GZF1: variants seen among roughly 807,000 people sequenced by gnomAD.
The protein encoded by GZF1 is GDNF inducible zinc finger protein 1, also known as GDNF-inducible zinc finger protein 1.
Under a neutral mutation model 49.4 loss-of-function variants are expected in GZF1, and 28 were observed. The ratio of observed to expected loss-of-function variants is 0.57; its 90% CI spans 0.42 to 0.78. The LOEUF is 0.78. Ranked by LOEUF, GZF1 falls within the 30% of genes least tolerant of loss-of-function variation. The probability of loss-of-function intolerance (pLI) is 0.00; values close to 1 mark genes in which losing one functional copy is unlikely to be tolerated. For missense variants in GZF1, 798 were observed against 916.2 expected (o/e 0.87, Z 1.67); for synonymous variants, 364 against 356.0 (o/e 1.02, Z -0.25).
Position 23,372,929 on chromosome 20 carries a change from T to C in GZF1, c.*2488T>C, listed in dbSNP as rs1000080822. The C allele has an allele frequency of 1.3e-5, 2 of 152,234 alleles. No homozygotes were observed. The highest frequency in any genetic ancestry group is 2.9e-5 in the Non-Finnish European group (2 of 68,036). 9.4% of individuals were successfully genotyped at this position (152,234 alleles called of 1,614,324 possible). A position where few individuals can be genotyped will look rare whatever the true frequency, so the allele number is the denominator to read the frequency against. ...AAAAATGGGCCATGTGGTGGAGACC[T>C]TTATTTAAGGTGATTTTTACAGAAA... On this transcript the variant is annotated 3_prime_UTR_variant, in exon 6 of 6. Transcript: ENST00000338121.
At chr20:23,365,887 C>G in intron 2 of GZF1, 140 bp downstream of exon 2, 1 of 1,345,820 alleles carries the variant, frequency 7.4e-7, no homozygotes, top group Non-Finnish European at 9.7e-7. Context: ...GCGTTTAGTT[C>G]TCTGTCAAGG....
At position 23,369,655 on chromosome 20, in the gene GZF1, C is replaced by G; in HGVS notation, c.1699C>G (p.Arg567Gly). 1 of 1,613,008 alleles carries G rather than the reference C, an allele frequency of 6.2e-7. No homozygotes were observed. Among genetic ancestry groups the G allele is most frequent in the Non-Finnish European group, 8.5e-7 (1 of 1,179,650 alleles). ...GCTCAACGCCCTCCAGCGCCACCGC[C>G]GCATCCACACAGGGGAGAGGCCATT... ...TQLNALQRHR[R>G]IHTGERPFMC... is the part of the protein sequence containing the mutation. The change falls in exon 5 of 6, where the codon CGC becomes GGC. Residue 567 changes from arginine (R) to glycine (G), a missense_variant. By Grantham distance (125) the Arg-to-Gly change is moderately radical. Transcript: ENST00000338121.
chr20:23,365,679 C>A lies in GZF1; in HGVS notation c.1296C>A (p.Asp432Glu), dbSNP rs112578924. 6.3e-7 allele frequency: 1 copy of A among 1,594,376 alleles called. No homozygotes were observed. Among genetic ancestry groups the A allele is most frequent in the Admixed American group, 1.7e-5 (1 of 59,398 alleles). Residue 432 changes from aspartate to glutamate, a missense_variant, in exon 2 of 6, where the codon GAC becomes GAA. Asp to Glu is a conservative substitution (Grantham distance 45). This residue lies in a region of GZF1 where 446 missense variants were observed against 540.1 expected (regional missense o/e 0.83). Transcript: ENST00000338121. ...TGCACGAGCGCACACACACGGGAGA[C>A]CGGCCCTACGGCTGCACCGAGTGCG... ...LRLHERTHTG[D>E]RPYGCTECGA...
chr20:23,367,900 G>A (rs144150996), intron 3 of GZF1, among the ~76,000 whole-genome samples: 6 of 152,256 alleles, frequency 3.9e-5, no homozygotes, highest in Non-Finnish European at 5.9e-5. Context: ...ATTCTTACCT[G>A]TAAACACTGG....
In GZF1 at chr20:23,364,453, C is replaced by T. The variant is rs1255416669; in HGVS notation, c.70C>T (p.Leu24Phe). The change falls in exon 2 of 6, where the codon CTT (leucine) becomes TTT (phenylalanine). Residue 24 changes from leucine to phenylalanine, a missense_variant. Around this residue, in one of 3 missense-constraint regions of GZF1, gnomAD observed 105 missense variants for 147.5 expected, o/e 0.71. Coordinates refer to ENST00000338121, the MANE Select transcript of GZF1 (RefSeq NM_022482.5). ...TAACCTACTGCATGAGATGCATGAG[C>T]TTCGCCTCCTGGGTCACCTGTGTGA... is the stretch of plus-strand genomic sequence containing the variant. ...PFNLLHEMHE[L>F]RLLGHLCDVT... 1.9e-6 allele frequency: 3 copies of T among 1,614,050 alleles called. No individual in the cohort carries two copies. The highest frequency in any genetic ancestry group is 2.5e-6 in the Non-Finnish European group (3 of 1,179,914).
chr20:23,365,588 G>T lies in GZF1; in HGVS notation c.1205G>T (p.Gly402Val). The change falls in exon 2 of 6, where the codon GGC becomes GTC. Residue 402 changes from glycine to valine, a missense_variant. Gly to Val is a moderately radical substitution (Grantham distance 109). Transcript: ENST00000338121. ...VKRHVLQVHE[G>V]GGERHRCGQC... ...CGGCACGTGCTGCAGGTGCATGAGGGCGGCGGCGAGCGGCACCGCTGCGGC... is the reference window on the plus strand; with the variant it reads ...CGGCACGTGCTGCAGGTGCATGAGGTCGGCGGCGAGCGGCACCGCTGCGGC... The T allele has an allele frequency of 6.2e-7, 1 of 1,609,222 alleles. No homozygotes were observed. Among genetic ancestry groups the T allele is most frequent in the Non-Finnish European group, 8.5e-7 (1 of 1,179,496 alleles).
chr20:23,361,760 G>A (rs1980681312), upstream of GZF1, among the ~76,000 whole-genome samples: 1 of 152,216 alleles, frequency 6.6e-6, no homozygotes, highest in African/African-American at 2.4e-5. Context: ...GCAGCTCTTA[G>A]TGGGAAGCCA....
chr20:23,366,426 A>C (rs1358259779), intron 2 of GZF1, among the ~76,000 whole-genome samples: 1 of 152,142 alleles, frequency 6.6e-6, no homozygotes, highest in East Asian at 1.9e-4. Flanking sequence ...CTATATAATA[A>C]GTTAAAAATA....
chr20:23,366,261 G>A (rs572339733), intron 2 of GZF1, among the ~76,000 whole-genome samples: 1 of 152,336 alleles, frequency 6.6e-6, no homozygotes, highest in East Asian at 1.9e-4. Context: ...TTTCTGAGCT[G>A]CAGGTGTGTG....
intron 2 of GZF1, among the ~76,000 whole-genome samples, chr20:23,366,340 GT>G (rs925876042): frequency 1.3e-5 from 2 of 152,190 alleles, no homozygotes; most frequent in African/African-American, 2.4e-5. Flanking sequence ...ACAAGCAGTT[GT>G]TTTCTCTTCT....
At position 23,364,504 on chromosome 20, in the gene GZF1, G is replaced by C; in HGVS notation, c.121G>C (p.Gly41Arg). 1.9e-6 allele frequency: 3 copies of C among 1,614,232 alleles called. No individual in the cohort carries two copies. The highest frequency in any genetic ancestry group is 2.5e-6 in the Non-Finnish European group (3 of 1,180,044). ...CDVTVSVEYQ[G>R]VRKDFMAHKA... ...CGTGACAGTCAGCGTGGAGTATCAG[G>C]GTGTCCGCAAAGACTTCATGGCCCA... The change falls in exon 2 of 6, where the codon GGT (glycine) becomes CGT (arginine). Residue 41 changes from glycine (G) to arginine (R), a missense_variant. Gly to Arg is a moderately radical substitution (Grantham distance 125). This residue lies in a region of GZF1 where 105 missense variants were observed against 147.5 expected (regional missense o/e 0.71). Transcript: ENST00000338121.
At chr20:23,368,565 A>G (rs1051648518) in intron 3 of GZF1, among the ~76,000 whole-genome samples, 197 bp from the exon 4 acceptor site, 1 of 152,238 alleles carries the variant, frequency 6.6e-6, no homozygotes, top group African/African-American at 2.4e-5. Flanking sequence ...ATTTCCAAGG[A>G]TATTTTACAC....
Position 23,367,087 on chromosome 20 carries a change from G to T in GZF1, c.1449G>T (p.Arg483Ser). The T allele has an allele frequency of 6.2e-7, 1 of 1,600,312 alleles. No individual in the cohort carries two copies. ...TQNHMLIYHKRCHTGERPFMC... is the reference protein window; with the variant it reads ...TQNHMLIYHKSCHTGERPFMC... ...ACCACATGCTGATTTATCATAAAAG[G>T]TGTCACACAGGTAAATACTCATGCT... Residue 483 changes from arginine to serine, a missense_variant, in exon 3 of 6, where the codon AGG becomes AGT. This residue lies in a region of GZF1 where 446 missense variants were observed against 540.1 expected (regional missense o/e 0.83). Transcript: ENST00000338121.
intron 3 of GZF1, among the ~76,000 whole-genome samples, chr20:23,367,429 C>T (rs1026236395): frequency 2.6e-5 from 4 of 152,116 alleles, no homozygotes; most frequent in African/African-American, 9.7e-5. Flanking sequence ...GAGCTGTATG[C>T]TATTATCCCC....
rs1436364986 is a variant in GZF1, at chr20:23,370,536, GATGT to G, written c.*96_*99del. 3.6e-6 allele frequency: 3 copies of G among 842,984 alleles called. No individual in the cohort carries two copies. In the African/African-American group the frequency reaches 5.2e-5, roughly 15 times the overall value. The allele number at this position is 842,984 out of a possible 1,614,324, so 52.2% of individuals were successfully genotyped here. A position where few individuals can be genotyped will look rare whatever the true frequency, so the allele number is the denominator to read the frequency against. On this transcript the variant is annotated 3_prime_UTR_variant, in exon 6 of 6. Coordinates refer to ENST00000338121, the MANE Select transcript of GZF1 (RefSeq NM_022482.5). ...AGAAAAATAATTGTCCATGTGCAAA[GATGT>G]GGGCAAGAATGGCCTCTGCAGATTT...
At position 23,368,938 on chromosome 20, in the gene GZF1, G is replaced by T. The variant is rs755464836; in HGVS notation, c.1627+9G>T. Reference sequence around the variant, plus strand: ...TATTAAAGTCCACACAGGTATGGTTGGAATGTCCCAGGGAAGGGAGTTTAG... The same window carrying T: ...TATTAAAGTCCACACAGGTATGGTTTGAATGTCCCAGGGAAGGGAGTTTAG... On this transcript the variant is annotated intron_variant, in intron 4 of 5. Transcript: ENST00000338121. 8 of 1,598,020 alleles carry T rather than the reference G, an allele frequency of 5.0e-6. No individual in the cohort carries two copies. Among genetic ancestry groups the T allele is most frequent in the Middle Eastern group, 1.7e-4 (1 of 5,998 alleles).
At position 23,370,319 on chromosome 20, in the gene GZF1, G is replaced by A. The variant is rs150207683; in HGVS notation, c.2014G>A (p.Ala672Thr). ...CAGTTCTGCTGACACAGCCTGCAAGGCAGATGACTCCGTGGTGTCCCAGGA... is the reference window on the plus strand; with the variant it reads ...CAGTTCTGCTGACACAGCCTGCAAGACAGATGACTCCGTGGTGTCCCAGGA... Reference protein sequence around the residue: ...ENSSADTACKADDSVVSQDTL... With the variant: ...ENSSADTACKTDDSVVSQDTL... The change falls in exon 6 of 6, where the codon GCA becomes ACA. Residue 672 changes from alanine (A) to threonine (T), a missense_variant. Ala to Thr is a moderately conservative substitution (Grantham distance 58, BLOSUM62 0). Around this residue, in one of 3 missense-constraint regions of GZF1, gnomAD observed 446 missense variants for 540.1 expected, o/e 0.83. Coordinates refer to ENST00000338121, the MANE Select transcript of GZF1 (RefSeq NM_022482.5). 18 of 1,614,096 alleles carry A rather than the reference G, an allele frequency of 1.1e-5. No individual in the cohort carries two copies. The highest frequency in any genetic ancestry group is 1.5e-5 in the Non-Finnish European group (18 of 1,179,968).
chr20:23,361,437 T>C (rs1370497804), upstream of GZF1, among the ~76,000 whole-genome samples: 4 of 152,258 alleles, frequency 2.6e-5, no homozygotes, highest in Admixed American at 6.5e-5. Context: ...GATGGGTCTC[T>C]GGGGAAGTTC....
At chr20:23,363,747 G>A (rs1048823788) in intron 1 of GZF1, among the ~76,000 whole-genome samples, 1 of 152,342 alleles carries the variant, frequency 6.6e-6, no homozygotes, top group Non-Finnish European at 1.5e-5. Flanking sequence ...GCTCAAAGTA[G>A]CACAGCTTGT....
Sources: allele counts gnomAD v4.1 joint callset (sites outside exome capture counted in the v4.1 genomes callset), GRCh38; gene constraint gnomAD v4.1.1; regional missense constraint gnomAD v4.1.1; transcripts MANE v1.5; gene names NCBI Gene and HGNC (gene_info 2026-07-23, HGNC 2026-07-21).